The following UBE2R2 variants were observed in gnomAD, a reference collection of about 807,000 sequenced individuals.
UBE2R2 encodes the protein ubiquitin conjugating enzyme E2 R2.
UBE2R2 carries 1 observed loss-of-function variant against 27.8 expected under a neutral mutation model. The ratio of observed to expected loss-of-function variants is 0.04; its 90% CI spans 0.01 to 0.17. The LOEUF (loss-of-function observed/expected upper bound fraction) is 0.17, where lower values mean the gene tolerates loss of function less well. Among genes scored for constraint, UBE2R2 ranks in the 10% least tolerant of loss-of-function variants. The pLI is 1.00. For missense variants in UBE2R2, 100 were observed against 291.0 expected (o/e 0.34, Z 4.78); for synonymous variants, 106 against 113.3 (o/e 0.94, Z 0.41).
chr9:33,898,749 A>G (rs1444976733), intron 2 of UBE2R2, among the ~76,000 whole-genome samples: 1 of 152,198 alleles, frequency 6.6e-6, no homozygotes, highest in East Asian at 1.9e-4. Context: ...TAGGTAACAT[A>G]GTGAGACTCC....
rs1822746153 is a variant in UBE2R2, at chr9:33,919,514, T to G, written c.*2277T>G. On this transcript the variant is annotated 3_prime_UTR_variant, in exon 5 of 5. Coordinates refer to ENST00000263228, the MANE Select transcript of UBE2R2 (RefSeq NM_017811.4). ...TGACTCAGGGAGCCGGAGCGCCAAG[T>G]GGAGGTTGTACCTTTCAGCCCTTTG... is the stretch of plus-strand genomic sequence containing the variant. 1 of 152,232 alleles carries G rather than the reference T, an allele frequency of 6.6e-6. No individual in the cohort carries two copies. Among genetic ancestry groups the G allele is most frequent in the African/African-American group, 2.4e-5 (1 of 41,442 alleles). The allele number at this position is 152,232 out of a possible 1,614,324, so 9.4% of individuals were successfully genotyped here. A position where few individuals can be genotyped will look rare whatever the true frequency, so the allele number is the denominator to read the frequency against.
intron 1 of UBE2R2, among the ~76,000 whole-genome samples, chr9:33,862,961 G>A (rs1298429030): frequency 6.6e-6 from 1 of 151,908 alleles, no homozygotes; most frequent in Non-Finnish European, 1.5e-5. Context: ...GGCCTAGGTG[G>A]GCAGATCATG....
At chr9:33,826,694 GT>G (rs1166269800) in intron 1 of UBE2R2, among the ~76,000 whole-genome samples, 3 of 151,736 alleles carry the variant, frequency 2.0e-5, no homozygotes, top group Non-Finnish European at 1.5e-5. Context: ...GTGAGACTCT[GT>G]CCCCTGCCGC....
chr9:33,909,467 G>T (rs568087354), intron 3 of UBE2R2, among the ~76,000 whole-genome samples: 1 of 152,110 alleles, frequency 6.6e-6, no homozygotes, highest in South Asian at 2.1e-4. Flanking sequence ...CAGCCTGGGC[G>T]ACGAGTGAAA....
chr9:33,897,896 C>A (rs1822155892), intron 2 of UBE2R2, among the ~76,000 whole-genome samples: 1 of 151,572 alleles, frequency 6.6e-6, no homozygotes, highest in Non-Finnish European at 1.5e-5. Flanking sequence ...CTGCCTCAGC[C>A]TCTCGAGTAG....
At chr9:33,874,226 G>T (rs1821555011) in intron 1 of UBE2R2, among the ~76,000 whole-genome samples, 1 of 152,106 alleles carries the variant, frequency 6.6e-6, no homozygotes, top group Admixed American at 6.6e-5. Flanking sequence ...GGGATTACAG[G>T]CATGAACCAC....
chr9:33,917,383 A>C lies in UBE2R2; in HGVS notation c.*146A>C, dbSNP rs1265091409. The C allele has an allele frequency of 2.4e-6, 3 of 1,264,436 alleles. No individual in the cohort carries two copies. Among genetic ancestry groups the C allele is most frequent in the Non-Finnish European group, 3.2e-6 (3 of 925,866 alleles). 78.3% of individuals were successfully genotyped at this position (1,264,436 alleles called of 1,614,324 possible). A position where few individuals can be genotyped will look rare whatever the true frequency, so the allele number is the denominator to read the frequency against. ...CAGCTCCTGCTGACTCCCCTTATGG[A>C]TCTCAGTTTGCTCCTTTTTATGGAC... is the stretch of plus-strand genomic sequence containing the variant. On this transcript the variant is annotated 3_prime_UTR_variant, in exon 5 of 5. Coordinates refer to ENST00000263228, the MANE Select transcript of UBE2R2 (RefSeq NM_017811.4).
chr9:33,832,470 C>T (rs1445974201), intron 1 of UBE2R2, among the ~76,000 whole-genome samples: 1 of 151,892 alleles, frequency 6.6e-6, no homozygotes, highest in Non-Finnish European at 1.5e-5. Flanking sequence ...TCCTGGCTAA[C>T]ACGGTGAAAC....
intron 2 of UBE2R2, among the ~76,000 whole-genome samples, chr9:33,895,768 CTTTTTTTTTT>C (rs776870484): frequency 3.3e-5 from 3 of 90,270 alleles, no homozygotes; most frequent in African/African-American, 4.6e-5. Context: ...CTCTCTCTCT[CTTTTTTTTTT>C]TTTTTTTTTT....
At chr9:33,914,846 AAGAC>A (rs929339831) in intron 4 of UBE2R2, among the ~76,000 whole-genome samples, 8 of 151,860 alleles carry the variant, frequency 5.3e-5, no homozygotes, top group Non-Finnish European at 8.8e-5. Context: ...AAAAAAAAAA[AAGAC>A]AGTCAGCTGG....
At chr9:33,838,483 G>A (rs746929573) in intron 1 of UBE2R2, among the ~76,000 whole-genome samples, 8 of 151,776 alleles carry the variant, frequency 5.3e-5, no homozygotes, top group Non-Finnish European at 8.8e-5. Flanking sequence ...TTCCTGAGAT[G>A]TTTGCTAATG....
At chr9:33,847,492 G>C (rs1452961834) in intron 1 of UBE2R2, among the ~76,000 whole-genome samples, 1 of 152,090 alleles carries the variant, frequency 6.6e-6, no homozygotes, top group African/African-American at 2.4e-5. Context: ...CTTTGTGTTT[G>C]TTTTCAACAG....
At chr9:33,911,402 C>CAAAAAAAAAAAAAAAA (rs60526576) in intron 3 of UBE2R2, among the ~76,000 whole-genome samples, 4 of 53,206 alleles carry the variant, frequency 7.5e-5, no homozygotes, top group East Asian at 1.3e-3. Context: ...AACTCCATCT[C>CAAAAAAAAAAAAAAAA]AAAAAAAAAA....
intron 1 of UBE2R2, among the ~76,000 whole-genome samples, chr9:33,831,658 T>C (rs966528156): frequency 3.3e-5 from 5 of 151,956 alleles, no homozygotes; most frequent in Non-Finnish European, 5.9e-5. Flanking sequence ...TTATTTATTT[T>C]ATTTTATTTG....
At chr9:33,828,875 A>G (rs62555904) in intron 1 of UBE2R2, among the ~76,000 whole-genome samples, 29,013 of 152,068 alleles carry the variant, frequency 0.19, 3,329 homozygotes, top group East Asian at 0.55. Context: ...CTGGGATTAT[A>G]GGCGCACGCT....
chr9:33,854,182 CATAGTT>C (rs1389103962), intron 1 of UBE2R2, among the ~76,000 whole-genome samples: 33 of 152,020 alleles, frequency 2.2e-4, no homozygotes, highest in Non-Finnish European at 4.4e-4. Context: ...TTCATTATAT[CATAGTT>C]AATGTGATCT....
rs1193896707 is a variant in UBE2R2, at chr9:33,871,493, CAT to C, written c.178-15385_178-15384del. ...AGTGGTTCAGGCATTTTAGGGAGAA[CAT>C]ATGTGGTAATGGTACAGAAATGTAT... On this transcript the variant is annotated intron_variant, in intron 1 of 4. Coordinates refer to ENST00000263228, the MANE Select transcript of UBE2R2 (RefSeq NM_017811.4). Among the ~76,000 whole-genome samples the C allele has an allele frequency of 3.9e-5, 6 of 152,154 alleles. No homozygotes were observed. The East Asian group carries it at 7.7e-4, about 20-fold the overall frequency.
In UBE2R2 at chr9:33,817,875, A is replaced by G; in HGVS notation, c.118A>G (p.Asn40Asp). 6.2e-7 allele frequency: 1 copy of G among 1,611,426 alleles called. No homozygotes were observed. The highest frequency in any genetic ancestry group is 8.5e-7 in the Non-Finnish European group (1 of 1,178,540). The change falls in exon 1 of 5, where the codon AAC becomes GAC. Residue 40 changes from asparagine to aspartate, a missense_variant. Asn to Asp is a conservative substitution (Grantham distance 23). Coordinates refer to ENST00000263228, the MANE Select transcript of UBE2R2 (RefSeq NM_017811.4). Reference protein sequence around the residue: ...ITLVDESDLYNWEVAIFGPPN... With the variant: ...ITLVDESDLYDWEVAIFGPPN... ...CCTGGTGGACGAGTCCGACCTCTAC[A>G]ACTGGGAGGTGGCCATCTTCGGACC...
chr9:33,823,810 G>A (rs535878644), intron 1 of UBE2R2, among the ~76,000 whole-genome samples: 15 of 152,328 alleles, frequency 9.8e-5, no homozygotes, highest in Non-Finnish European at 1.8e-4. Flanking sequence ...GTTTACTGCC[G>A]ATGAGCTAAG....
Sources: allele counts gnomAD v4.1 joint callset (sites outside exome capture counted in the v4.1 genomes callset), GRCh38; gene constraint gnomAD v4.1.1; transcripts MANE v1.5; gene names NCBI Gene and HGNC (gene_info 2026-07-23, HGNC 2026-07-21).